SPINK5: variants seen among roughly 807,000 people sequenced by gnomAD.
The protein encoded by SPINK5 is serine peptidase inhibitor Kazal type 5, also known as serine protease inhibitor Kazal-type 5.
Under a neutral mutation model 151.8 loss-of-function variants are expected in SPINK5, and 125 were observed. That is an observed-to-expected ratio of 0.82 (90% CI 0.71 to 0.96). SPINK5 has a LOEUF of 0.96. Among genes scored for constraint, SPINK5 ranks in the 40% least tolerant of loss-of-function variants. The pLI is 0.00. For missense variants in SPINK5, 1,194 were observed against 1,291.9 expected (o/e 0.92, Z 1.16); for synonymous variants, 374 against 395.3 (o/e 0.95, Z 0.64).
chr5:148,082,433 T>C (rs1003076374), intron 4 of SPINK5, among the ~76,000 whole-genome samples: 4 of 151,052 alleles, frequency 2.6e-5, no homozygotes, highest in Non-Finnish European at 5.9e-5. Context: ...TATTTAGTAA[T>C]AGATTATCTA....
chr5:148,094,070 A>G (rs1166008607), intron 8 of SPINK5, among the ~76,000 whole-genome samples: 3 of 151,934 alleles, frequency 2.0e-5, no homozygotes, highest in Non-Finnish European at 4.4e-5. Context: ...CAAGGCAGGA[A>G]GATTACTTGA....
At chr5:148,089,378 C>G in intron 6 of SPINK5, 116 bp from the exon 7 acceptor site, 1 of 1,343,554 alleles carries the variant, frequency 7.4e-7, no homozygotes, top group Non-Finnish European at 1.1e-6. Flanking sequence ...ACAGCTGGTA[C>G]TGCTCTAAGT....
intron 26 of SPINK5, among the ~76,000 whole-genome samples, chr5:148,121,882 C>T (rs1754275951): frequency 6.6e-6 from 1 of 151,730 alleles, no homozygotes; most frequent in Admixed American, 6.6e-5. Flanking sequence ...GTGAGAGGAT[C>T]ACTTGAGCCC....
intron 26 of SPINK5, among the ~76,000 whole-genome samples, chr5:148,121,155 A>G (rs1248031497): frequency 2.7e-5 from 4 of 150,694 alleles, no homozygotes; most frequent in Non-Finnish European, 4.4e-5. Flanking sequence ...AAAAAAAAAA[A>G]AAAAAAAAAA....
intron 30 of SPINK5, 101 bp from the exon 31 acceptor site, chr5:148,131,158 C>T: frequency 7.0e-7 from 1 of 1,421,166 alleles, no homozygotes; most frequent in Admixed American, 1.7e-5. Flanking sequence ...CTTTTACAAC[C>T]ATTTATTCAA....
Position 148,124,806 on chromosome 5 carries a change from A to C in SPINK5, c.2708A>C (p.Lys903Thr). The C allele has an allele frequency of 6.2e-7, 1 of 1,608,526 alleles. No individual in the cohort carries two copies. Among genetic ancestry groups the C allele is most frequent in the Non-Finnish European group, 8.5e-7 (1 of 1,177,260 alleles). ...GAAAGAAAAAAGAAAGATGAAGAGA[A>C]ATCAAGTAGCAAGCCCTCAAATAAT... is the stretch of plus-strand genomic sequence containing the variant. ...ANERKKKDEE[K>T]SSSKPSNNAK... Residue 903 changes from lysine (K) to threonine (T), a missense_variant, in exon 28 of 33, where the codon AAA becomes ACA. Lys to Thr is a moderately conservative substitution (Grantham distance 78). Coordinates refer to ENST00000256084, the MANE Select transcript of SPINK5 (RefSeq NM_006846.4).
intron 30 of SPINK5, 76 bp downstream of exon 30, chr5:148,127,155 A>T: frequency 1.5e-6 from 2 of 1,304,552 alleles, no homozygotes; most frequent in Non-Finnish European, 2.2e-6. Flanking sequence ...GCTATTTGCT[A>T]TTTTCATAGA....
chr5:148,085,645 A>G (rs1161967168), intron 4 of SPINK5, among the ~76,000 whole-genome samples: 1 of 151,892 alleles, frequency 6.6e-6, no homozygotes, highest in East Asian at 2.0e-4. Flanking sequence ...ATTACTTTGT[A>G]CATTTGTTTT....
chr5:148,099,192 G>GT (rs770237499), intron 11 of SPINK5, 42 bp from the exon 12 acceptor site: 2 of 1,553,862 alleles, frequency 1.3e-6, no homozygotes, highest in Admixed American at 1.8e-5. Flanking sequence ...CATGGCATGT[G>GT]TTTGTTCCTA....
intron 20 of SPINK5, among the ~76,000 whole-genome samples, chr5:148,113,140 T>G (rs1753988924): frequency 6.6e-6 from 1 of 152,194 alleles, no homozygotes; most frequent in African/African-American, 2.4e-5. Flanking sequence ...ACTACTCCAC[T>G]TGGCTGTTGT....
At chr5:148,116,604 G>A (rs888806800) in intron 22 of SPINK5, 138 bp downstream of exon 22, 3 of 839,976 alleles carry the variant, frequency 3.6e-6, no homozygotes, top group Non-Finnish European at 4.0e-6. Flanking sequence ...TAAGGTTGCA[G>A]GGTAAGATAT....
intron 8 of SPINK5, among the ~76,000 whole-genome samples, chr5:148,094,152 C>T (rs1217253940): frequency 1.3e-5 from 2 of 151,682 alleles, no homozygotes; most frequent in African/African-American, 4.8e-5. Flanking sequence ...AAAATTTAGC[C>T]GGGTGTGGTG....
chr5:148,094,310 C>T (rs1753394946), intron 8 of SPINK5, 44 bp from the exon 9 acceptor site: 1 of 1,602,912 alleles, frequency 6.2e-7, no homozygotes, highest in South Asian at 1.1e-5. Context: ...ATAAAATATC[C>T]TGAAATGAAA....
chr5:148,103,580 C>T (rs1223972004), intron 15 of SPINK5, among the ~76,000 whole-genome samples: 2 of 151,986 alleles, frequency 1.3e-5, no homozygotes, highest in East Asian at 1.9e-4. Flanking sequence ...AAGGTTAGAT[C>T]GGTTTTCATA....
Position 148,072,176 on chromosome 5 carries a change from G to T in SPINK5, c.238G>T (p.Ala80Ser), listed in dbSNP as rs1561673443. Residue 80 changes from alanine to serine, a missense_variant, in exon 4 of 33, where the codon GCC becomes TCC. Transcript: ENST00000256084. ...AAAAGAAGCAAAATCACAGAAGAGG[G>T]CCAGGCATTTAGCAAGAGCTCCCAA... is the stretch of plus-strand genomic sequence containing the variant. Reference protein sequence around the residue: ...LEKEAKSQKRARHLARAPKAT... With the variant: ...LEKEAKSQKRSRHLARAPKAT... The T allele has an allele frequency of 6.2e-7, 1 of 1,612,216 alleles. No individual in the cohort carries two copies. The highest frequency in any genetic ancestry group is 1.3e-5 in the African/African-American group (1 of 74,798).
At chr5:148,111,542 G>A (rs1753928159) in intron 18 of SPINK5, among the ~76,000 whole-genome samples, 1 of 152,122 alleles carries the variant, frequency 6.6e-6, no homozygotes, top group African/African-American at 2.4e-5. Flanking sequence ...AGTGCCTAGT[G>A]CAGAATAATA....
In SPINK5 at chr5:148,095,890, TA is replaced by T. The variant is rs767302945; in HGVS notation, c.871del (p.Arg291GlufsTer4). 6.2e-7 allele frequency: 1 copy of T among 1,611,754 alleles called. No individual in the cohort carries two copies. The highest frequency in any genetic ancestry group is 8.5e-7 in the Non-Finnish European group (1 of 1,178,564). Reference sequence around the variant, plus strand: ...GAAAAGCTGAAGAAAAAACTAAAGTTAAAAGAGAAATTGTGGTGAGAATCAG... The same window carrying T: ...GAAAAGCTGAAGAAAAAACTAAAGTTAAAGAGAAATTGTGGTGAGAATCAG... ...LGKAEEKTKVKREIVKLCSQY... is the reference protein window; with the variant it reads ...LGKAEEKTKVXREIVKLCSQY... On this transcript the variant is annotated frameshift_variant, in exon 10 of 33. Coordinates refer to ENST00000256084, the MANE Select transcript of SPINK5 (RefSeq NM_006846.4). LOFTEE classifies it high-confidence loss of function.
Position 148,124,780 on chromosome 5 carries a change from T to C in SPINK5, c.2682T>C (p.Asn894=). The C allele has an allele frequency of 6.2e-7, 1 of 1,604,194 alleles. No individual in the cohort carries two copies. ...TATTCTGCAGTGATCGAGAAGCTAA[T>C]GAAAGAAAAAAGAAAGATGAAGAGA... The part of the protein sequence containing the change: ...MCQSIFDREA[N]ERKKKDEEKS... The change falls in exon 28 of 33, where the codon AAT becomes AAC. Residue 894 remains asparagine, a synonymous_variant. Coordinates refer to ENST00000256084, the MANE Select transcript of SPINK5 (RefSeq NM_006846.4).
chr5:148,117,140 A>C (rs1754115847), intron 22 of SPINK5, among the ~76,000 whole-genome samples: 1 of 152,192 alleles, frequency 6.6e-6, no homozygotes, highest in Non-Finnish European at 1.5e-5. Context: ...ACAACCTTGG[A>C]ATATCAAAAC....
Sources: allele counts gnomAD v4.1 joint callset (sites outside exome capture counted in the v4.1 genomes callset), GRCh38; gene constraint gnomAD v4.1.1; transcripts MANE v1.5; gene names NCBI Gene and HGNC (gene_info 2026-07-23, HGNC 2026-07-21).